Variants in EXOC4 observed in about 807,000 individuals in gnomAD.
EXOC4 encodes exocyst complex component 4.
EXOC4 carries 71 observed loss-of-function variants against 107.2 expected under a neutral mutation model. The ratio of observed to expected loss-of-function variants is 0.66; its 90% CI spans 0.55 to 0.81. The LOEUF is 0.81. EXOC4 is among the 30% of genes least tolerant of loss of function. EXOC4 has a pLI of 0.00. For missense variants in EXOC4, 1,108 were observed against 1,189.6 expected, an observed-to-expected ratio of 0.93 and a Z score of 1.01; for synonymous variants, 456 against 441.2, an observed-to-expected ratio of 1.03 and a Z score of -0.42.
At chr7:134,051,843 G>A (rs1449475049) in intron 17 of EXOC4, among the ~76,000 whole-genome samples, 1 of 151,942 alleles carries the variant, frequency 6.6e-6, no homozygotes, top group Non-Finnish European at 1.5e-5. Flanking sequence ...AAAATTAGCT[G>A]GGCATGGTGG....
At chr7:133,755,249 T>C (rs1332601272) in intron 10 of EXOC4, among the ~76,000 whole-genome samples, 21 of 100,304 alleles carry the variant, frequency 2.1e-4, no homozygotes, top group East Asian at 4.6e-4. Flanking sequence ...ATATAATATA[T>C]ATATTATATA....
chr7:133,742,004 G>C (rs1356908253), intron 10 of EXOC4, among the ~76,000 whole-genome samples: 2 of 152,158 alleles, frequency 1.3e-5, no homozygotes, highest in Non-Finnish European at 2.9e-5. Flanking sequence ...AAAGTCTATA[G>C]AATTGTCACG....
chr7:133,918,788 A>G (rs1328371178), intron 13 of EXOC4, among the ~76,000 whole-genome samples: 1 of 152,242 alleles, frequency 6.6e-6, no homozygotes, highest in African/African-American at 2.4e-5. Flanking sequence ...ACTTTGTCAC[A>G]TCAAAGTTGG....
intron 12 of EXOC4, among the ~76,000 whole-genome samples, chr7:133,913,126 T>C (rs1158916804): frequency 6.6e-6 from 1 of 152,014 alleles, no homozygotes; most frequent in African/African-American, 2.4e-5. Flanking sequence ...AAATAATAGA[T>C]CCCATTTGGA....
chr7:133,684,581 C>T (rs1010615071), intron 10 of EXOC4, among the ~76,000 whole-genome samples: 67 of 152,236 alleles, frequency 4.4e-4, no homozygotes, highest in Admixed American at 2.2e-3. Context: ...AATGAAAGGA[C>T]TTTGATTCCT....
At chr7:133,811,203 G>A (rs1797221343) in intron 10 of EXOC4, among the ~76,000 whole-genome samples, 1 of 152,138 alleles carries the variant, frequency 6.6e-6, no homozygotes. Flanking sequence ...TGGTATAAAA[G>A]TACTTCACGA....
chr7:134,036,722 A>T (rs1036623875), intron 17 of EXOC4, among the ~76,000 whole-genome samples: 1 of 152,218 alleles, frequency 6.6e-6, no homozygotes. Flanking sequence ...TTACATATGT[A>T]GATATTCTGT....
intron 7 of EXOC4, among the ~76,000 whole-genome samples, chr7:133,384,452 G>C (rs1399942407): frequency 2.0e-5 from 3 of 152,174 alleles, no homozygotes; most frequent in Non-Finnish European, 4.4e-5. Flanking sequence ...GTGTCCGTCA[G>C]ACTCATGCTG....
the EXOC4 span, among the ~76,000 whole-genome samples, chr7:134,079,921 A>G: frequency 6.6e-6 from 1 of 152,342 alleles, no homozygotes; most frequent in African/African-American, 2.4e-5. Flanking sequence ...CCCGGATGCT[A>G]GTCCAAACAG....
At chr7:133,358,823 G>A (rs1023156307) in intron 6 of EXOC4, among the ~76,000 whole-genome samples, 1 of 151,592 alleles carries the variant, frequency 6.6e-6, no homozygotes, top group African/African-American at 2.4e-5. Flanking sequence ...CAGAATTCAC[G>A]AGTGGAAATT....
intron 10 of EXOC4, among the ~76,000 whole-genome samples, chr7:133,671,391 C>A (rs1181967569): frequency 6.6e-6 from 1 of 151,960 alleles, no homozygotes; most frequent in Non-Finnish European, 1.5e-5. Context: ...TGGCGAAACC[C>A]CATCTCTACT....
In EXOC4 at chr7:133,445,964, C is replaced by T. The variant is rs1040880462; in HGVS notation, c.1183-29364C>T. Among the ~76,000 whole-genome samples, 5 of 149,812 alleles carry T rather than the reference C, an allele frequency of 3.3e-5. No individual in the cohort carries two copies. The South Asian group carries it at 8.4e-4, about 25-fold the overall frequency. ...CCAGAAGGTCGAGATTGTAGTGAGC[C>T]GAGATTATAATACTGCACTTCAGCC... On this transcript the variant is annotated intron_variant, in intron 7 of 17. Transcript: ENST00000253861.
At chr7:133,691,772 G>A (rs988377012) in intron 10 of EXOC4, among the ~76,000 whole-genome samples, 8 of 152,174 alleles carry the variant, frequency 5.3e-5, no homozygotes, top group Non-Finnish European at 1.0e-4. Flanking sequence ...GTTGCTTCCT[G>A]GGGAGATGTA....
intron 10 of EXOC4, among the ~76,000 whole-genome samples, chr7:133,701,958 T>TTTCTTC (rs1045766088): frequency 7.3e-6 from 1 of 137,318 alleles, no homozygotes; most frequent in African/African-American, 2.9e-5. Context: ...CACTGTCATT[T>TTTCTTC]TTCTTTTTCT....
intron 5 of EXOC4, among the ~76,000 whole-genome samples, chr7:133,343,465 T>TG (rs1055750369): frequency 1.3e-5 from 2 of 152,180 alleles, no homozygotes; most frequent in African/African-American, 4.8e-5. Context: ...TTTGTAGAAA[T>TG]GGGGTCTCCC....
chr7:133,913,399 T>A lies in EXOC4; in HGVS notation c.1872-4184T>A, dbSNP rs181356891. Among the ~76,000 whole-genome samples the A allele has an allele frequency of 4.4e-3, 670 of 152,312 alleles. 4 individuals carry two copies. Among genetic ancestry groups the A allele is most frequent in the Admixed American group, 8.6e-3 (131 of 15,298 alleles). On this transcript the variant is annotated intron_variant, in intron 12 of 17. Coordinates refer to ENST00000253861, the MANE Select transcript of EXOC4 (RefSeq NM_021807.4). Reference sequence around the variant, plus strand: ...CTGATGTGGTGAGTTCAACTGATGGTCTTGTAGCTGCAGGCGAGAAGCCCA... The same window carrying A: ...CTGATGTGGTGAGTTCAACTGATGGACTTGTAGCTGCAGGCGAGAAGCCCA...
chr7:133,615,452 A>C (rs1395616227), intron 9 of EXOC4, among the ~76,000 whole-genome samples: 1 of 152,180 alleles, frequency 6.6e-6, no homozygotes, highest in Non-Finnish European at 1.5e-5. Flanking sequence ...TTATGTTATC[A>C]GTAAGGCTGC....
chr7:133,648,737 C>T (rs1200148788), intron 10 of EXOC4, among the ~76,000 whole-genome samples: 1 of 152,104 alleles, frequency 6.6e-6, no homozygotes, highest in East Asian at 1.9e-4. Context: ...TCAGAAACGT[C>T]ATTAATTTTT....
intron 7 of EXOC4, among the ~76,000 whole-genome samples, chr7:133,409,918 T>A (rs1279401035): frequency 6.6e-6 from 1 of 152,196 alleles, no homozygotes; most frequent in African/African-American, 2.4e-5. Context: ...TTTTGCATTT[T>A]TTTGTTTTTC....
Sources: gnomAD v4.1 joint callset for allele counts (sites outside exome capture counted in the v4.1 genomes callset) on GRCh38, gnomAD v4.1.1 for gene constraint, MANE v1.5 for transcripts, NCBI Gene and HGNC (gene_info 2026-07-23, HGNC 2026-07-21) for gene names.